Variants in RAI1 observed in about 807,000 individuals in gnomAD.
RAI1 encodes the protein retinoic acid-induced protein 1.
A neutral mutation model predicts 123.8 loss-of-function variants in RAI1; 9 were observed. The ratio of observed to expected loss-of-function variants is 0.07; its 90% CI spans 0.04 to 0.13. RAI1 has a LOEUF of 0.13. RAI1 is among the 10% of genes least tolerant of loss of function. The probability of loss-of-function intolerance (pLI) is 1.00; values close to 1 mark genes in which losing one functional copy is unlikely to be tolerated. For synonymous variants in RAI1, 1,231 were observed against 1,127.3 expected (o/e 1.09, Z -1.84); for missense variants, 2,256 against 2,545.8 (o/e 0.89, Z 2.45).
At chr17:17,694,654 G>A (rs1474554123) in intron 1 of RAI1, among the ~76,000 whole-genome samples, 1 of 151,756 alleles carries the variant, frequency 6.6e-6, no homozygotes, top group African/African-American at 2.4e-5. Flanking sequence ...TCTTGGCCGC[G>A]CCGGAGCCTC....
In RAI1 at chr17:17,809,857, G is replaced by A. The variant is rs1161129788; in HGVS notation, c.5710-113G>A. The stretch of plus-strand genomic sequence containing the variant: ...GGCCTCGGGCGGAGACCCCAGCCGC[G>A]CTCTGGGGTCGCCTGGGTCTGGGGC... On this transcript the variant is annotated intron_variant, in intron 5 of 5. Coordinates refer to ENST00000353383, the MANE Select transcript of RAI1 (RefSeq NM_030665.4). This position sits in a 1 kb window ranked among gnomAD's most constrained non-coding sequence, Gnocchi z 4.9. 5 of 1,456,416 alleles carry A rather than the reference G, an allele frequency of 3.4e-6. No individual in the cohort carries two copies. In the South Asian group the frequency reaches 3.7e-5, roughly 11 times the overall value. 90.2% of individuals were successfully genotyped at this position (1,456,416 alleles called of 1,614,324 possible). A position where few individuals can be genotyped will look rare whatever the true frequency, so the allele number is the denominator to read the frequency against.
At chr17:17,694,794 A>C (rs1403715271) in intron 1 of RAI1, among the ~76,000 whole-genome samples, 1 of 149,836 alleles carries the variant, frequency 6.7e-6, no homozygotes, top group East Asian at 2.0e-4. Flanking sequence ...TCGCCATGGC[A>C]GCGCCCGGCC....
intron 2 of RAI1, among the ~76,000 whole-genome samples, chr17:17,732,949 G>C (rs1916315879): frequency 6.6e-6 from 1 of 152,170 alleles, no homozygotes; most frequent in Non-Finnish European, 1.5e-5. Context: ...GCCAGCCCAG[G>C]CTTTTAAAAA....
At chr17:17,734,153 G>C (rs1323468126) in intron 2 of RAI1, among the ~76,000 whole-genome samples, 1 of 152,164 alleles carries the variant, frequency 6.6e-6, no homozygotes, top group African/African-American at 2.4e-5. Flanking sequence ...TGGCTAGTTG[G>C]GGGGTATCAG....
rs368361158 is a variant in RAI1, at chr17:17,797,035, G to A, written c.4087G>A (p.Asp1363Asn). The A allele has an allele frequency of 8.1e-6, 13 of 1,613,780 alleles. No individual in the cohort carries two copies. Among genetic ancestry groups the A allele is most frequent in the South Asian group, 7.7e-5 (7 of 91,082 alleles). The change falls in exon 3 of 6, where the codon GAC becomes AAC. Residue 1363 changes from aspartate to asparagine, a missense_variant. By Grantham distance (23) the Asp-to-Asn change is conservative. This residue lies in a region of RAI1 where 322 missense variants were observed against 358.0 expected (regional missense o/e 0.90). Coordinates refer to ENST00000353383, the MANE Select transcript of RAI1 (RefSeq NM_030665.4). The stretch of plus-strand genomic sequence containing the variant: ...TAATCCTCTGAGCCCATCCCTTTCC[G>A]ACAAAGACCGTGGGCTCAAGGGTGC... ...PGNPLSPSLS[D>N]KDRGLKGAGG...
At chr17:17,702,169 G>GGA (rs948979167) in intron 1 of RAI1, among the ~76,000 whole-genome samples, 16 of 152,192 alleles carry the variant, frequency 1.1e-4, no homozygotes, top group African/African-American at 3.9e-4. Flanking sequence ...TGACATGAGG[G>GGA]GAGAGGGAGT....
chr17:17,721,375 C>T (rs1482313028), intron 1 of RAI1, among the ~76,000 whole-genome samples: 1 of 152,176 alleles, frequency 6.6e-6, no homozygotes, highest in East Asian at 1.9e-4. Flanking sequence ...GACAAAAATA[C>T]CTACCAGATA....
At chr17:17,717,101 G>A (rs1915735124) in intron 1 of RAI1, among the ~76,000 whole-genome samples, 1 of 152,134 alleles carries the variant, frequency 6.6e-6, no homozygotes, top group South Asian at 2.1e-4. Flanking sequence ...ATTGGGGAGG[G>A]ATCACAGGGA....
At position 17,809,825 on chromosome 17, in the gene RAI1, T is replaced by G. The variant is rs1230661120; in HGVS notation, c.5710-145T>G. ...GACGGGGTGGGGCCAGAAGGGGTGG[T>G]GCCGACGGCCTCGGGCGGAGACCCC... On this transcript the variant is annotated intron_variant, in intron 5 of 5. Coordinates refer to ENST00000353383, the MANE Select transcript of RAI1 (RefSeq NM_030665.4). The surrounding 1 kb of genome is among the most constrained non-coding windows in gnomAD (Gnocchi z 4.9). 4 of 1,092,680 alleles carry G rather than the reference T, an allele frequency of 3.7e-6. No individual in the cohort carries two copies. Among genetic ancestry groups the G allele is most frequent in the South Asian group, 1.4e-5 (1 of 70,608 alleles). The allele number at this position is 1,092,680 out of a possible 1,614,324, so 67.7% of individuals were successfully genotyped here.
At chr17:17,742,587 C>T (rs781322789) in intron 2 of RAI1, among the ~76,000 whole-genome samples, 33 of 152,314 alleles carry the variant, frequency 2.2e-4, no homozygotes, top group Middle Eastern at 3.4e-3. Context: ...AATAATATCC[C>T]CTCTGCTTTT....
intron 1 of RAI1, among the ~76,000 whole-genome samples, chr17:17,683,042 T>C (rs1914497416): frequency 6.6e-6 from 1 of 152,192 alleles, no homozygotes; most frequent in South Asian, 2.1e-4. Flanking sequence ...ACTCGGGATC[T>C]GCACGGTTCC....
Position 17,796,872 on chromosome 17 carries a change from A to G in RAI1, c.3924A>G (p.Ala1308=), listed in dbSNP as rs1307465359. The part of the protein sequence containing the change: ...PDACLKLASR[A]AFQGAMKTKV... The stretch of plus-strand genomic sequence containing the variant: ...CCTGCCTCAAGCTCGCCTCTCGGGC[A>G]GCCTTCCAGGGGGCCATGAAGACCA... Residue 1308 remains alanine, a synonymous_variant, in exon 3 of 6, where the codon GCA becomes GCG. Coordinates refer to ENST00000353383, the MANE Select transcript of RAI1 (RefSeq NM_030665.4). The surrounding 1 kb of genome is among the most constrained non-coding windows in gnomAD (Gnocchi z 5.8). 10 of 1,613,090 alleles carry G rather than the reference A, an allele frequency of 6.2e-6. No individual in the cohort carries two copies. The highest frequency in any genetic ancestry group is 8.5e-6 in the Non-Finnish European group (10 of 1,179,896).
chr17:17,792,338 T>TGTGTGTGTGAGCATACATATGC (rs2032044518), intron 2 of RAI1, among the ~76,000 whole-genome samples: 1 of 151,092 alleles, frequency 6.6e-6, no homozygotes. Context: ...TGTGCGCGCG[T>TGTGTGTGTGAGCATACATATGC]GTGTGTGTGA....
intron 2 of RAI1, among the ~76,000 whole-genome samples, chr17:17,762,416 TG>T (rs1179041550): frequency 6.6e-6 from 1 of 152,050 alleles, no homozygotes; most frequent in Non-Finnish European, 1.5e-5. Flanking sequence ...GAAATGAAGC[TG>T]GGGAGGAGTA....
intron 1 of RAI1, among the ~76,000 whole-genome samples, chr17:17,706,209 G>A (rs1435026414): frequency 6.6e-6 from 1 of 151,994 alleles, no homozygotes; most frequent in Non-Finnish European, 1.5e-5. Context: ...TTGCAGAGCT[G>A]GGGCGAGGGA....
intron 2 of RAI1, among the ~76,000 whole-genome samples, chr17:17,769,077 C>T (rs1183996962): frequency 1.3e-5 from 2 of 152,186 alleles, no homozygotes; most frequent in Non-Finnish European, 2.9e-5. Flanking sequence ...CCCCAGGACT[C>T]GGTGTGTGGG....
intron 2 of RAI1, among the ~76,000 whole-genome samples, chr17:17,765,289 G>A (rs2030879332): frequency 6.6e-6 from 1 of 152,232 alleles, no homozygotes; most frequent in African/African-American, 2.4e-5. Context: ...TTGCATTTAA[G>A]AAGCCTCTAC....
In RAI1 at chr17:17,794,906, T is replaced by C. The variant is rs780635483; in HGVS notation, c.1958T>C (p.Val653Ala). 2.5e-6 allele frequency: 4 copies of C among 1,613,520 alleles called. No homozygotes were observed. The highest frequency in any genetic ancestry group is 1.3e-5 in the African/African-American group (1 of 75,052). The change falls in exon 3 of 6, where the codon GTG (valine) becomes GCG (alanine). Residue 653 changes from valine to alanine, a missense_variant. Physicochemically the swap from Val to Ala is moderately conservative, Grantham distance 64 (BLOSUM62 0). This residue lies in a region of RAI1 where 566 missense variants were observed against 616.0 expected (regional missense o/e 0.92). Coordinates refer to ENST00000353383, the MANE Select transcript of RAI1 (RefSeq NM_030665.4). ...LENHSACLDS[V>A]AKSAWPRPGE... is the part of the protein sequence containing the mutation. Reference sequence around the variant, plus strand: ...AACCACAGCGCCTGCCTGGACTCTGTGGCCAAGAGTGCGTGGCCCCGGCCT... The same window carrying C: ...AACCACAGCGCCTGCCTGGACTCTGCGGCCAAGAGTGCGTGGCCCCGGCCT...
At chr17:17,789,508 CT>C (rs2031939779) in intron 2 of RAI1, among the ~76,000 whole-genome samples, 3 of 152,218 alleles carry the variant, frequency 2.0e-5, no homozygotes, top group Admixed American at 2.0e-4. Flanking sequence ...CGTAGGGTAG[CT>C]GGGGTTTCGT....
Sources: allele counts gnomAD v4.1 joint callset (sites outside exome capture counted in the v4.1 genomes callset), GRCh38; gene constraint gnomAD v4.1.1; regional missense constraint gnomAD v4.1.1; non-coding constraint Gnocchi (gnomAD v3.1); transcripts MANE v1.5; gene names NCBI Gene and HGNC (gene_info 2026-07-23, HGNC 2026-07-21).